The following SLC24A3 variants were observed in gnomAD, a reference collection of about 807,000 sequenced individuals.
The protein encoded by SLC24A3 is sodium/potassium/calcium exchanger 3.
A neutral mutation model predicts 75.8 loss-of-function variants in SLC24A3; 28 were observed. The ratio of observed to expected loss-of-function variants is 0.37; its 90% CI spans 0.27 to 0.51. SLC24A3 has a LOEUF of 0.51. Ranked by LOEUF, SLC24A3 falls within the 20% of genes least tolerant of loss-of-function variation. SLC24A3 has a pLI of 0.94. For missense variants in SLC24A3, 663 were observed against 847.8 expected, an observed-to-expected ratio of 0.78 and a Z score of 2.71; for synonymous variants, 372 against 334.1, an observed-to-expected ratio of 1.11 and a Z score of -1.24.
chr20:19,525,507 C>A (rs1041759108), intron 3 of SLC24A3, among the ~76,000 whole-genome samples: 6 of 152,096 alleles, frequency 3.9e-5, no homozygotes, highest in East Asian at 1.9e-4. Flanking sequence ...GGGGAACTGG[C>A]AGGTCATGGA....
At chr20:19,711,334 C>T (rs775223674) in intron 15 of SLC24A3, among the ~76,000 whole-genome samples, 1 of 151,648 alleles carries the variant, frequency 6.6e-6, no homozygotes, top group South Asian at 2.1e-4. Context: ...CATGCATGCA[C>T]ACGTGCAAAC....
At position 19,469,138 on chromosome 20, in the gene SLC24A3, C is replaced by T. The variant is rs973585642; in HGVS notation, c.272-46350C>T. Among the ~76,000 whole-genome samples the T allele has an allele frequency of 5.9e-5, 9 of 152,036 alleles. No individual in the cohort carries two copies. In the East Asian group the frequency reaches 1.5e-3, roughly 26 times the overall value. On this transcript the variant is annotated intron_variant, in intron 2 of 16. Coordinates refer to ENST00000328041, the MANE Select transcript of SLC24A3 (RefSeq NM_020689.4). ...GGATGGTCATCTCCATGGATCCTGG[C>T]ATCACCATGATTGTGACAGAAGCGG...
chr20:19,587,472 A>G (rs558877055), intron 6 of SLC24A3, among the ~76,000 whole-genome samples: 45 of 152,356 alleles, frequency 3.0e-4, no homozygotes, highest in African/African-American at 9.6e-4. Context: ...AGCCATGGAC[A>G]GAAGTAACAA....
At chr20:19,571,786 A>G (rs187965808) in intron 3 of SLC24A3, among the ~76,000 whole-genome samples, 2 of 152,286 alleles carry the variant, frequency 1.3e-5, no homozygotes, top group South Asian at 2.1e-4. Flanking sequence ...CTAAATAACC[A>G]TAGGGTGGGA....
At chr20:19,434,065 A>G (rs941579700) in intron 2 of SLC24A3, among the ~76,000 whole-genome samples, 1 of 152,246 alleles carries the variant, frequency 6.6e-6, no homozygotes, top group African/African-American at 2.4e-5. Context: ...GGTCAGCAAG[A>G]TGCAGTATCA....
At chr20:19,701,437 T>C (rs2032871734) in intron 15 of SLC24A3, among the ~76,000 whole-genome samples, 1 of 152,218 alleles carries the variant, frequency 6.6e-6, no homozygotes, top group Non-Finnish European at 1.5e-5. Flanking sequence ...GGGAGATTAC[T>C]GGTTCCTTCA....
chr20:19,258,232 T>G (rs1397837718), intron 1 of SLC24A3, among the ~76,000 whole-genome samples: 1 of 152,182 alleles, frequency 6.6e-6, no homozygotes, highest in Non-Finnish European at 1.5e-5. Flanking sequence ...CCCTCACAGC[T>G]CTTCTTCCCA....
At chr20:19,303,044 T>A (rs984374650) in intron 2 of SLC24A3, among the ~76,000 whole-genome samples, 2 of 152,040 alleles carry the variant, frequency 1.3e-5, no homozygotes, top group Non-Finnish European at 2.9e-5. Flanking sequence ...GTGGTGCATG[T>A]GTGAGTTTGT....
chr20:19,382,437 G>A (rs1331833566), intron 2 of SLC24A3, among the ~76,000 whole-genome samples: 3 of 152,224 alleles, frequency 2.0e-5, no homozygotes, highest in African/African-American at 7.2e-5. Context: ...GAGAATCATA[G>A]TGATTGAAAT....
intron 16 of SLC24A3, among the ~76,000 whole-genome samples, chr20:19,718,358 A>C (rs2033064329): frequency 6.6e-6 from 1 of 152,248 alleles, no homozygotes; most frequent in Non-Finnish European, 1.5e-5. Context: ...GACATCATTC[A>C]TGCTCTTATG....
chr20:19,436,131 A>G (rs775383496), intron 2 of SLC24A3, among the ~76,000 whole-genome samples: 4 of 152,146 alleles, frequency 2.6e-5, no homozygotes, highest in Non-Finnish European at 5.9e-5. Context: ...ATGTCAGTTG[A>G]TTCAGTCCTT....
At chr20:19,550,545 AGTGT>A (rs756973513) in intron 3 of SLC24A3, among the ~76,000 whole-genome samples, 500 of 152,144 alleles carry the variant, frequency 3.3e-3, no homozygotes, top group Middle Eastern at 0.017. Context: ...TACATGTGTG[AGTGT>A]GTGTGTGTAT....
intron 2 of SLC24A3, among the ~76,000 whole-genome samples, chr20:19,362,044 G>A (rs905508097): frequency 2.0e-5 from 3 of 152,062 alleles, no homozygotes; most frequent in Non-Finnish European, 4.4e-5. Context: ...TGGTTCATGT[G>A]TAGTAAAGAC....
At chr20:19,502,183 A>G (rs141979415) in intron 2 of SLC24A3, among the ~76,000 whole-genome samples, 2 of 152,210 alleles carry the variant, frequency 1.3e-5, no homozygotes, top group East Asian at 3.9e-4. Flanking sequence ...CAGCAGTCTT[A>G]CTCGGTTGAG....
At chr20:19,609,203 A>C (rs2031639660) in intron 6 of SLC24A3, among the ~76,000 whole-genome samples, 1 of 152,160 alleles carries the variant, frequency 6.6e-6, no homozygotes, top group Admixed American at 6.5e-5. Context: ...AGGAAAATGA[A>C]ATACGAAGGA....
chr20:19,308,434 G>A (rs1324542221), intron 2 of SLC24A3, among the ~76,000 whole-genome samples: 3 of 152,204 alleles, frequency 2.0e-5, no homozygotes, highest in African/African-American at 7.2e-5. Flanking sequence ...TTTGGAGGGT[G>A]CAGAAATTAA....
chr20:19,304,040 C>G (rs1031786077), intron 2 of SLC24A3, among the ~76,000 whole-genome samples: 5 of 152,208 alleles, frequency 3.3e-5, no homozygotes, highest in Non-Finnish European at 5.9e-5. Context: ...CTGGAGGATG[C>G]AGCCATTTCT....
chr20:19,378,288 T>TA (rs1986121612), intron 2 of SLC24A3, among the ~76,000 whole-genome samples: 1 of 151,604 alleles, frequency 6.6e-6, no homozygotes, highest in East Asian at 1.9e-4. Flanking sequence ...AGAGGTTTTT[T>TA]TAAAAAAAAA....
chr20:19,434,481 A>C (rs2122457001), intron 2 of SLC24A3, among the ~76,000 whole-genome samples: 1 of 152,318 alleles, frequency 6.6e-6, no homozygotes, highest in Non-Finnish European at 1.5e-5. Context: ...TCTGGAAAAA[A>C]CAGAAAACTT....
Sources: allele counts gnomAD v4.1 joint callset (sites outside exome capture counted in the v4.1 genomes callset), GRCh38; gene constraint gnomAD v4.1.1; transcripts MANE v1.5; gene names NCBI Gene and HGNC (gene_info 2026-07-23, HGNC 2026-07-21).